KMT2E: variants seen among roughly 807,000 people sequenced by gnomAD.
KMT2E encodes the protein histone reader KMT2E.
In KMT2E, 30 loss-of-function variants were observed where a neutral mutation model predicts 184.6. That is an observed-to-expected ratio of 0.16 (90% CI 0.12 to 0.22). The LOEUF is 0.22. Ranked by LOEUF, KMT2E falls within the 10% of genes least tolerant of loss-of-function variation. The pLI, the probability that KMT2E is intolerant of heterozygous loss-of-function variation, is 1.00. For synonymous variants in KMT2E, 815 were observed against 776.5 expected (o/e 1.05, Z -0.82); for missense variants, 2,023 against 2,237.4 (o/e 0.90, Z 1.93).
Position 105,106,748 on chromosome 7 carries a change from A to C in KMT2E, c.2823A>C (p.Thr941=). 1 of 1,613,996 alleles carries C rather than the reference A, an allele frequency of 6.2e-7. No homozygotes were observed. The highest frequency in any genetic ancestry group is 8.5e-7 in the Non-Finnish European group (1 of 1,179,888). ...YSPVTPVTPG[T]PGNTMHFENI... The stretch of plus-strand genomic sequence containing the variant: ...CAGTTACCCCAGTAACTCCTGGTAC[A>C]CCAGGAAATACCATGCACTTTGAGG... Residue 941 remains threonine (T), a synonymous_variant, in exon 20 of 27, where the codon ACA becomes ACC. Transcript: ENST00000311117.
chr7:105,074,218 C>CA (rs1797439686), intron 7 of KMT2E, among the ~76,000 whole-genome samples: 1 of 151,668 alleles, frequency 6.6e-6, no homozygotes, highest in Non-Finnish European at 1.5e-5. Context: ...TTATTAAAAA[C>CA]AGTATCCTCA....
chr7:105,023,196 C>T (rs1000724905), intron 1 of KMT2E, among the ~76,000 whole-genome samples: 4 of 151,784 alleles, frequency 2.6e-5, no homozygotes, highest in Admixed American at 1.3e-4. Flanking sequence ...AATTTTGATA[C>T]TCCCCTTTCT....
intron 24 of KMT2E, 40 bp downstream of exon 24, chr7:105,110,408 T>A (rs1799167598): frequency 6.2e-7 from 1 of 1,613,676 alleles, no homozygotes; most frequent in Non-Finnish European, 8.5e-7. Context: ...TGGAATCAGT[T>A]AATCACTCTG....
In KMT2E at chr7:105,113,108, A is replaced by C. The variant is rs891899054; in HGVS notation, c.5352A>C (p.Pro1784=). 2 of 1,614,198 alleles carry C rather than the reference A, an allele frequency of 1.2e-6. No homozygotes were observed. The highest frequency in any genetic ancestry group is 1.7e-6 in the Non-Finnish European group (2 of 1,180,036). ...AGCACCAGCCTTCTGGAACAGGGCC[A>C]CATTGTCCATTACCTGTCACAGGTC... is the stretch of plus-strand genomic sequence containing the variant. The part of the protein sequence containing the change: ...GPQHQPSGTG[P]HCPLPVTGPH... The change falls in exon 27 of 27, where the codon CCA becomes CCC. Residue 1784 remains proline, a synonymous_variant. Transcript: ENST00000311117.
At chr7:105,099,815 C>T (rs888072750) in intron 15 of KMT2E, among the ~76,000 whole-genome samples, 9 of 152,132 alleles carry the variant, frequency 5.9e-5, no homozygotes, top group Admixed American at 3.9e-4. Context: ...TAATTAATCC[C>T]TCCTCTCCAA....
At chr7:105,067,779 T>G (rs1797096578) in intron 6 of KMT2E, among the ~76,000 whole-genome samples, 1 of 152,128 alleles carries the variant, frequency 6.6e-6, no homozygotes, top group African/African-American at 2.4e-5. Flanking sequence ...GAGACCAGCT[T>G]GGGAAACATG....
rs1365428130 is a variant in KMT2E at position 105,076,969 on chromosome 7, G to A, written c.775G>A (p.Ala259Thr). Reference sequence around the variant, plus strand: ...GCTCAGTTTATGATTTTAGGGTTCAGCTCCAGAGATTGATCCTTCATCTGA... The same window carrying A: ...GCTCAGTTTATGATTTTAGGGTTCAACTCCAGAGATTGATCCTTCATCTGA... ...SRKSSRVKGSAPEIDPSSDGS... is the reference protein window; with the variant it reads ...SRKSSRVKGSTPEIDPSSDGS... Residue 259 changes from alanine to threonine, a missense_variant, in exon 10 of 27, where the codon GCT becomes ACT. Physicochemically the swap from Ala to Thr is moderately conservative, Grantham distance 58. Coordinates refer to ENST00000311117, the MANE Select transcript of KMT2E (RefSeq NM_182931.3). The A allele has an allele frequency of 2.5e-6, 4 of 1,610,364 alleles. No individual in the cohort carries two copies. Among genetic ancestry groups the A allele is most frequent in the African/African-American group, 2.7e-5 (2 of 74,474 alleles).
intron 19 of KMT2E, 131 bp from the exon 20 acceptor site, chr7:105,106,391 G>A (rs546845993): frequency 1.2e-5 from 10 of 860,012 alleles, no homozygotes; most frequent in South Asian, 7.0e-5. Flanking sequence ...TTTTAAAACC[G>A]TGAAATTCAG....
chr7:105,048,029 C>CT (rs1286938872), intron 3 of KMT2E, among the ~76,000 whole-genome samples: 1 of 151,570 alleles, frequency 6.6e-6, no homozygotes, highest in Non-Finnish European at 1.5e-5. Flanking sequence ...GTGTGAAATC[C>CT]TTTTTTTTGG....
intron 8 of KMT2E, among the ~76,000 whole-genome samples, chr7:105,075,052 T>A (rs10953466): frequency 0.28 from 42,616 of 151,972 alleles, 8,892 homozygotes; most frequent in East Asian, 0.64. Flanking sequence ...TTAGTCACTA[T>A]AATGCAGAAG....
intron 3 of KMT2E, among the ~76,000 whole-genome samples, chr7:105,057,158 G>T (rs1418880844): frequency 6.6e-6 from 1 of 152,168 alleles, no homozygotes; most frequent in East Asian, 1.9e-4. Flanking sequence ...AGGAGTAAGG[G>T]TTAAGAGTTA....
At position 105,110,222 on chromosome 7, in the gene KMT2E, A is replaced by G. The variant is rs572107147; in HGVS notation, c.3756-58A>G. ...GACAGTACATGTTGACTATGAAGCA[A>G]CAATGTAACTAGCAGTAGTTTCTTT... On this transcript the variant is annotated intron_variant, in intron 23 of 26. Transcript: ENST00000311117. 6.0e-5 allele frequency: 81 copies of G among 1,344,204 alleles called. No individual in the cohort carries two copies. In the African/African-American group the frequency reaches 1.1e-3, roughly 18 times the overall value. The allele number at this position is 1,344,204 out of a possible 1,614,324, so 83.3% of individuals were successfully genotyped here.
chr7:105,021,048 G>T (rs1794928553), intron 1 of KMT2E, among the ~76,000 whole-genome samples: 1 of 152,194 alleles, frequency 6.6e-6, no homozygotes, highest in African/African-American at 2.4e-5. Flanking sequence ...CTTGCTTTAT[G>T]TAACATTTAA....
intron 3 of KMT2E, among the ~76,000 whole-genome samples, chr7:105,043,260 G>A (rs1795957715): frequency 7.0e-6 from 1 of 142,048 alleles, no homozygotes; most frequent in Non-Finnish European, 1.5e-5. Flanking sequence ...TTTTTGAGAC[G>A]GAGTCTTGCT....
intron 1 of KMT2E, among the ~76,000 whole-genome samples, chr7:105,031,939 G>A (rs760191376): frequency 6.8e-6 from 1 of 147,022 alleles, no homozygotes. Flanking sequence ...GCATGGTGGC[G>A]CGCCTGTAGT....
chr7:105,085,342 G>C (rs1797922498), intron 13 of KMT2E, among the ~76,000 whole-genome samples: 1 of 151,942 alleles, frequency 6.6e-6, no homozygotes, highest in Non-Finnish European at 1.5e-5. Context: ...TGAGGTCAGG[G>C]GTTCAAAACC....
chr7:105,098,266 C>G lies in KMT2E; in HGVS notation c.1723-3159C>G, dbSNP rs1005048599. Among the ~76,000 whole-genome samples the G allele has an allele frequency of 2.0e-4, 30 of 150,308 alleles. No individual in the cohort carries two copies. In the East Asian group the frequency reaches 5.4e-3, roughly 27 times the overall value. ...TTTTTTTTTTTAGATAAAGACAGGG[C>G]CTCGCTCTGTTGCCCAAACTGGAGT... On this transcript the variant is annotated intron_variant, in intron 15 of 26. Coordinates refer to ENST00000311117, the MANE Select transcript of KMT2E (RefSeq NM_182931.3).
chr7:105,060,114 G>A (rs1461864304), intron 3 of KMT2E, among the ~76,000 whole-genome samples: 2 of 144,620 alleles, frequency 1.4e-5, no homozygotes, highest in African/African-American at 2.5e-5. Context: ...TCCTGCCTCA[G>A]CCCCCAAGTA....
chr7:105,059,621 T>C (rs1207425549), intron 3 of KMT2E, among the ~76,000 whole-genome samples: 1 of 152,200 alleles, frequency 6.6e-6, no homozygotes, highest in African/African-American at 2.4e-5. Flanking sequence ...GTTAAATAAA[T>C]TTATATTCAT....
Sources: allele counts gnomAD v4.1 joint callset (sites outside exome capture counted in the v4.1 genomes callset), GRCh38; gene constraint gnomAD v4.1.1; transcripts MANE v1.5; gene names NCBI Gene and HGNC (gene_info 2026-07-23, HGNC 2026-07-21).